FAM186B: variants seen among roughly 807,000 people sequenced by gnomAD.
The protein encoded by FAM186B is family with sequence similarity 186 member B.
Under a neutral mutation model 83.4 loss-of-function variants are expected in FAM186B, and 68 were observed. The ratio of observed to expected loss-of-function variants is 0.81; its 90% CI spans 0.67 to 1.00. The LOEUF (loss-of-function observed/expected upper bound fraction) is 1.00. Ranked by LOEUF, FAM186B falls within the 50% of genes least tolerant of loss-of-function variation. FAM186B has a pLI of 0.00. For missense variants in FAM186B, 983 were observed against 1,099.2 expected, an observed-to-expected ratio of 0.89 and a Z score of 1.49; for synonymous variants, 389 against 422.0, an observed-to-expected ratio of 0.92 and a Z score of 0.96.
At chr12:49,614,340 A>T in the FAM186B span, among the ~76,000 whole-genome samples, 3 of 152,248 alleles carry the variant, frequency 2.0e-5, no homozygotes, top group South Asian at 6.2e-4. Flanking sequence ...ATGACCACCA[A>T]CAGTGTTTTG....
chr12:49,616,570 G>A, the FAM186B span, among the ~76,000 whole-genome samples: 1 of 152,136 alleles, frequency 6.6e-6, no homozygotes, highest in Non-Finnish European at 1.5e-5. Flanking sequence ...CACATGCAAT[G>A]ACATGGAAAA....
At chr12:49,585,132 C>T (rs1225809140), downstream of FAM186B, among the ~76,000 whole-genome samples, 1 of 152,190 alleles carries the variant, frequency 6.6e-6, no homozygotes, top group African/African-American at 2.4e-5. Flanking sequence ...CACTCTCCTG[C>T]CTCAGCCTCC....
intron 5 of FAM186B, among the ~76,000 whole-genome samples, chr12:49,596,835 T>C (rs1276994536): frequency 6.6e-6 from 1 of 152,188 alleles, no homozygotes; most frequent in Non-Finnish European, 1.5e-5. Flanking sequence ...CCCATGTCCA[T>C]TGCAGTATTA....
chr12:49,606,835 C>T (rs180730643), upstream of FAM186B, among the ~76,000 whole-genome samples: 9 of 152,238 alleles, frequency 5.9e-5, no homozygotes, highest in South Asian at 2.1e-4. Flanking sequence ...TTATTCCCTA[C>T]GCATATGGAA....
At position 49,600,781 on chromosome 12, in the gene FAM186B, C is replaced by T; in HGVS notation, c.859G>A (p.Glu287Lys). The change falls in exon 4 of 7, where the codon GAG becomes AAG. Residue 287 changes from glutamate (E) to lysine (K), a missense_variant. Transcript: ENST00000257894. The surrounding 1 kb of genome is among the most constrained non-coding windows in gnomAD (Gnocchi z 4.3). ...TTCAGCAGAGCATCCCTCCTGCTCT[C>T]AAGGACCTCCATGAACTGCTGGAAG... The part of the protein sequence containing the change: ...LHFQQFMEVL[E>K]SRRDALLKQV... 6.2e-7 allele frequency: 1 copy of T among 1,613,038 alleles called. No individual in the cohort carries two copies. The highest frequency in any genetic ancestry group is 8.5e-7 in the Non-Finnish European group (1 of 1,179,324).
At chr12:49,604,243 G>T in intron 2 of FAM186B, 70 bp downstream of exon 2, 3 of 1,225,214 alleles carry the variant, frequency 2.4e-6, no homozygotes, top group Non-Finnish European at 3.6e-6. Context: ...GATGTGTCCT[G>T]TGCTGTCCCT....
the FAM186B span, among the ~76,000 whole-genome samples, chr12:49,620,217 T>A: frequency 6.6e-6 from 1 of 152,118 alleles, no homozygotes; most frequent in East Asian, 1.9e-4. Flanking sequence ...TAGGATAAAA[T>A]TAGTTCTAAA....
At chr12:49,593,786 A>C (rs927268308) in intron 5 of FAM186B, among the ~76,000 whole-genome samples, 3 of 152,202 alleles carry the variant, frequency 2.0e-5, no homozygotes, top group Non-Finnish European at 4.4e-5. Flanking sequence ...CAGCCTGGAC[A>C]ACATAGTGAA....
chr12:49,590,232 A>G (rs1168875942), intron 5 of FAM186B, among the ~76,000 whole-genome samples: 1 of 152,178 alleles, frequency 6.6e-6, no homozygotes, highest in Non-Finnish European at 1.5e-5. Flanking sequence ...ATTAGTAATC[A>G]TTTATCTAAA....
intron 3 of FAM186B, 130 bp from the exon 4 acceptor site, chr12:49,601,264 G>C: frequency 3.2e-6 from 4 of 1,262,236 alleles, no homozygotes; most frequent in Non-Finnish European, 4.2e-6. Context: ...AGCTGGGGCT[G>C]TATATGGGGC....
At position 49,599,820 on chromosome 12, in the gene FAM186B, T is replaced by G; in HGVS notation, c.1820A>C (p.Lys607Thr). ...CTCCACTGAACTCATAGGTCTCTGCTTTCCCAGGGCAGGCTGCTGGGTACT... is the reference window on the plus strand; with the variant it reads ...CTCCACTGAACTCATAGGTCTCTGCGTTCCCAGGGCAGGCTGCTGGGTACT... The part of the protein sequence containing the change: ...SPSTQQPALG[K>T]QRPMSSVEFT... Residue 607 changes from lysine to threonine, a missense_variant, in exon 4 of 7, where the codon AAG becomes ACG. Transcript: ENST00000257894. 6.2e-7 allele frequency: 1 copy of G among 1,612,258 alleles called. No homozygotes were observed.
intron 5 of FAM186B, among the ~76,000 whole-genome samples, chr12:49,596,923 G>A (rs181625363): frequency 1.4e-4 from 22 of 152,288 alleles, no homozygotes; most frequent in East Asian, 9.6e-4. Flanking sequence ...ATATACAGTC[G>A]TGCACTGCAT....
chr12:49,588,707 T>A (rs1016726806), intron 5 of FAM186B, 84 bp from the exon 6 acceptor site: 46 of 1,403,124 alleles, frequency 3.3e-5, no homozygotes, highest in Non-Finnish European at 1.9e-6. Context: ...TGTTTGTTGG[T>A]GCCCCTGCTG....
rs1016064920 is a variant in FAM186B at position 49,605,593 on chromosome 12, G to T, written c.-116C>A. 18 of 1,082,098 alleles carry T rather than the reference G, an allele frequency of 1.7e-5. No individual in the cohort carries two copies. The highest frequency in any genetic ancestry group is 2.4e-5 in the Non-Finnish European group (18 of 761,274). The allele number at this position is 1,082,098 out of a possible 1,614,324, so 67.0% of individuals were successfully genotyped here. A position where few individuals can be genotyped will look rare whatever the true frequency, so the allele number is the denominator to read the frequency against. The stretch of plus-strand genomic sequence containing the variant: ...CCAGGGTGTCTCCTGGGTACCCTCT[G>T]CCCAGGCACAGCTCCTCTGGTAACT... On this transcript the variant is annotated 5_prime_UTR_variant, in exon 1 of 7. Transcript: ENST00000257894.
At chr12:49,592,948 C>G (rs1274445833) in intron 5 of FAM186B, among the ~76,000 whole-genome samples, 1 of 152,052 alleles carries the variant, frequency 6.6e-6, no homozygotes, top group Non-Finnish European at 1.5e-5. Flanking sequence ...AAATGAAGAG[C>G]AAATTATATA....
chr12:49,586,811 C>T (rs771099466), downstream of FAM186B, among the ~76,000 whole-genome samples: 4 of 152,222 alleles, frequency 2.6e-5, no homozygotes, highest in East Asian at 1.9e-4. Flanking sequence ...CATTTCAGAG[C>T]GCAGGTGCGG....
chr12:49,603,158 C>T (rs1259027105), intron 3 of FAM186B, 27 bp downstream of exon 3: 5 of 1,613,466 alleles, frequency 3.1e-6, no homozygotes, highest in Non-Finnish European at 4.2e-6. Context: ...CCACCTAGCT[C>T]CCTGGCCAGG....
intron 1 of FAM186B, chr12:49,605,065 G>T (rs143582406): frequency 1.1e-5 from 8 of 753,030 alleles, no homozygotes; most frequent in African/African-American, 9.2e-5. Context: ...GGGTTGCCAA[G>T]AACAGATTCT....
chr12:49,608,659 C>T (rs562242769), upstream of FAM186B, among the ~76,000 whole-genome samples: 1 of 151,962 alleles, frequency 6.6e-6, no homozygotes, highest in East Asian at 1.9e-4. Flanking sequence ...GAAGAACACC[C>T]TAGGTCTCAG....
Sources: gnomAD v4.1 joint callset for allele counts (sites outside exome capture counted in the v4.1 genomes callset) on GRCh38, gnomAD v4.1.1 for gene constraint, Gnocchi (gnomAD v3.1) non-coding constraint, MANE v1.5 for transcripts, NCBI Gene and HGNC (gene_info 2026-07-23, HGNC 2026-07-21) for gene names.